The following GRIK1 variants were observed in gnomAD, a reference collection of about 807,000 sequenced individuals.
GRIK1 encodes glutamate ionotropic receptor kainate type subunit 1, also known as glutamate receptor ionotropic, kainate 1.
Under a neutral mutation model 105.7 loss-of-function variants are expected in GRIK1, and 69 were observed. That is an observed-to-expected ratio of 0.65 (90% confidence interval 0.54 to 0.80). The LOEUF (loss-of-function observed/expected upper bound fraction) is 0.80, where lower values mean the gene tolerates loss of function less well. Among genes scored for constraint, GRIK1 ranks in the 30% least tolerant of loss-of-function variants. The pLI, the probability that GRIK1 is intolerant of heterozygous loss-of-function variation, is 0.00. For missense variants in GRIK1, 1,109 were observed against 1,167.3 expected (o/e 0.95, Z 0.73); for synonymous variants, 438 against 431.3 (o/e 1.02, Z -0.19).
At chr21:29,917,685 AT>A (rs1434427496) in intron 1 of GRIK1, among the ~76,000 whole-genome samples, 1 of 151,962 alleles carries the variant, frequency 6.6e-6, no homozygotes, top group African/African-American at 2.4e-5. Flanking sequence ...CCCCAAAATA[AT>A]TGTAAAAACC....
intron 1 of GRIK1, among the ~76,000 whole-genome samples, chr21:29,783,724 G>A (rs924079187): frequency 6.6e-6 from 1 of 151,872 alleles, no homozygotes; most frequent in African/African-American, 2.4e-5. Flanking sequence ...TGTATACTTA[G>A]GTCCATTAAA....
intron 1 of GRIK1, among the ~76,000 whole-genome samples, chr21:29,786,538 A>G (rs2066266249): frequency 6.6e-6 from 1 of 152,142 alleles, no homozygotes; most frequent in South Asian, 2.1e-4. Flanking sequence ...CTTCATGTAA[A>G]TGAAATCATC....
At chr21:29,774,446 CTTTT>C in intron 1 of GRIK1, among the ~76,000 whole-genome samples, 2 of 102,428 alleles carry the variant, frequency 2.0e-5, no homozygotes, top group African/African-American at 3.4e-5. Flanking sequence ...TTATTTTGCT[CTTTT>C]TTTTTTTTTT....
At chr21:29,835,151 T>C (rs1275866185) in intron 1 of GRIK1, among the ~76,000 whole-genome samples, 1 of 152,172 alleles carries the variant, frequency 6.6e-6, no homozygotes, top group Non-Finnish European at 1.5e-5. Flanking sequence ...CACTTGCAAC[T>C]CAACAGTGTT....
chr21:29,553,708 G>T (rs773362498), intron 16 of GRIK1: 7 of 1,533,938 alleles, frequency 4.6e-6, no homozygotes, highest in Middle Eastern at 3.5e-4. Flanking sequence ...AAAAAGCCTT[G>T]CATGCAAAAG....
chr21:29,686,647 G>A (rs1286665806), intron 3 of GRIK1, among the ~76,000 whole-genome samples: 4 of 152,196 alleles, frequency 2.6e-5, no homozygotes, highest in African/African-American at 4.8e-5. Flanking sequence ...CATATTGTCC[G>A]TGTGCTTGCT....
intron 1 of GRIK1, among the ~76,000 whole-genome samples, chr21:29,745,207 C>T (rs1360198008): frequency 2.0e-5 from 3 of 152,170 alleles, no homozygotes; most frequent in African/African-American, 7.2e-5. Context: ...GGGGTGCCCT[C>T]TGGCTAACTG....
intron 1 of GRIK1, among the ~76,000 whole-genome samples, chr21:29,728,346 A>C (rs1214816270): frequency 6.6e-6 from 1 of 152,188 alleles, no homozygotes; most frequent in Non-Finnish European, 1.5e-5. Context: ...TAGAAGGCCA[A>C]GGTCAGCAAG....
rs2068108259 is a variant in GRIK1 at position 29,846,250 on chromosome 21, G to GT, written c.118+93132_118+93133insA. Among the ~76,000 whole-genome samples, 425 of 80,638 alleles carry GT rather than the reference G, an allele frequency of 5.3e-3. 4 individuals carry two copies. Among genetic ancestry groups the GT allele is most frequent in the African/African-American group, 0.013 (386 of 29,458 alleles). The allele number at this position is 80,638 out of a possible 152,430, so 52.9% of individuals were successfully genotyped here. A position where few individuals can be genotyped will look rare whatever the true frequency, so the allele number is the denominator to read the frequency against. On this transcript the variant is annotated intron_variant, in intron 1 of 17. Coordinates refer to ENST00000327783, the MANE Select transcript of GRIK1 (RefSeq NM_001330994.2). ...TACTAAAATACAAAATTAGCCGGGC[G>GT]CGTGGCGCATGCCTGTAATCCCAGC...
chr21:29,670,686 C>G (rs2063146244), intron 4 of GRIK1, among the ~76,000 whole-genome samples: 1 of 152,144 alleles, frequency 6.6e-6, no homozygotes, highest in African/African-American at 2.4e-5. Context: ...ACAACAGGCC[C>G]CTGGGAAGGG....
At chr21:29,746,395 G>A (rs1268968233) in intron 1 of GRIK1, among the ~76,000 whole-genome samples, 1 of 152,218 alleles carries the variant, frequency 6.6e-6, no homozygotes, top group African/African-American at 2.4e-5. Context: ...TACAGATAGT[G>A]ACATCATTGC....
rs1234666859 is a variant in GRIK1 at position 29,803,391 on chromosome 21, G to A, written c.119-109328C>T. On this transcript the variant is annotated intron_variant, in intron 1 of 17. Coordinates refer to ENST00000327783, the MANE Select transcript of GRIK1 (RefSeq NM_001330994.2). Reference sequence around the variant, plus strand: ...ATCAGCAATTATATGCACCACATAAGCAAATGAACATGTCACCATTACATT... The same window carrying A: ...ATCAGCAATTATATGCACCACATAAACAAATGAACATGTCACCATTACATT... Among the ~76,000 whole-genome samples the A allele has an allele frequency of 6.6e-5, 10 of 152,140 alleles. No individual in the cohort carries two copies. In the East Asian group the frequency reaches 1.7e-3, roughly 26 times the overall value.
intron 1 of GRIK1, among the ~76,000 whole-genome samples, chr21:29,899,719 C>A (rs547966520): frequency 1.3e-5 from 2 of 152,170 alleles, no homozygotes; most frequent in Non-Finnish European, 2.9e-5. Context: ...TTGGGGACAT[C>A]TTGGTGGCAT....
chr21:29,782,067 G>A (rs1044651267), intron 1 of GRIK1, among the ~76,000 whole-genome samples: 4 of 149,432 alleles, frequency 2.7e-5, no homozygotes, highest in African/African-American at 4.9e-5. Flanking sequence ...TCACTGTCCC[G>A]TATACAACAC....
chr21:29,688,945 T>C (rs1944988039), intron 3 of GRIK1, among the ~76,000 whole-genome samples: 1 of 152,168 alleles, frequency 6.6e-6, no homozygotes, highest in African/African-American at 2.4e-5. Context: ...TGAGGGAAGC[T>C]AGTGCCTGAG....
At chr21:29,933,151 T>C (rs1284940875) in intron 1 of GRIK1, among the ~76,000 whole-genome samples, 1 of 152,174 alleles carries the variant, frequency 6.6e-6, no homozygotes, top group Non-Finnish European at 1.5e-5. Flanking sequence ...TGTATTTTTA[T>C]GTTAAGTTCC....
intron 1 of GRIK1, among the ~76,000 whole-genome samples, chr21:29,840,512 G>A (rs2067947263): frequency 1.3e-5 from 2 of 152,040 alleles, no homozygotes; most frequent in African/African-American, 4.8e-5. Context: ...TTATCCCACT[G>A]GAATCCCTGA....
chr21:29,708,961 C>A (rs2063979822), intron 1 of GRIK1, among the ~76,000 whole-genome samples: 2 of 151,982 alleles, frequency 1.3e-5, no homozygotes, highest in East Asian at 1.9e-4. Flanking sequence ...TAATTTAGTT[C>A]ATTTAATCCA....
chr21:29,641,139 T>A (rs549575171), intron 7 of GRIK1, among the ~76,000 whole-genome samples: 1 of 152,312 alleles, frequency 6.6e-6, no homozygotes, highest in East Asian at 1.9e-4. Flanking sequence ...ATCTTATAGA[T>A]AAGAAAACTG....
Sources: allele counts gnomAD v4.1 joint callset (sites outside exome capture counted in the v4.1 genomes callset), GRCh38; gene constraint gnomAD v4.1.1; transcripts MANE v1.5; gene names NCBI Gene and HGNC (gene_info 2026-07-23, HGNC 2026-07-21).